Variants in TSPAN10 observed in about 807,000 individuals in gnomAD.
The protein encoded by TSPAN10 is tetraspanin-10.
Under a neutral mutation model 15.0 loss-of-function variants are expected in TSPAN10, and 11 were observed. The ratio of observed to expected loss-of-function variants is 0.73; its 90% CI spans 0.46 to 1.21. The LOEUF (loss-of-function observed/expected upper bound fraction) is 1.21, where lower values mean the gene tolerates loss of function less well. TSPAN10 is among the 50% of genes most tolerant of loss of function. The pLI, the probability that TSPAN10 is intolerant of heterozygous loss-of-function variation, is 0.00. For synonymous variants in TSPAN10, 241 were observed against 226.2 expected (o/e 1.07, Z -0.59); for missense variants, 486 against 470.6 (o/e 1.03, Z -0.30).
intron 1 of TSPAN10, among the ~76,000 whole-genome samples, chr17:81,644,117 G>A (rs2036210516): frequency 6.6e-6 from 1 of 151,724 alleles, no homozygotes; most frequent in Non-Finnish European, 1.5e-5. Context: ...CCAAAGTGCT[G>A]GGATGACAGG....
chr17:81,642,550 G>C (rs911935185), intron 1 of TSPAN10, 102 bp downstream of exon 2: 14 of 1,211,104 alleles, frequency 1.2e-5, no homozygotes, highest in Non-Finnish European at 1.5e-5. Context: ...CCCTGCCCCT[G>C]GTGCCACCCC....
At chr17:81,641,158 CTT>C (rs895380183), upstream of TSPAN10, among the ~76,000 whole-genome samples, 1 of 150,794 alleles carries the variant, frequency 6.6e-6, no homozygotes, top group Non-Finnish European at 1.5e-5. Context: ...GAGCGAGACT[CTT>C]GTCTCAAAAA....
At chr17:81,645,606 C>G (rs2036241689) in exon 2 of TSPAN10, 1 of 1,612,716 alleles carries the variant, frequency 6.2e-7, no homozygotes, top group Non-Finnish European at 8.5e-7. Context: ...GAGCTGCCTC[C>G]TACCAGGACT....
chr17:81,647,951 C>G (rs776551712), exon 3 of TSPAN10: 1 of 1,610,114 alleles, frequency 6.2e-7, no homozygotes, highest in Non-Finnish European at 8.5e-7. Flanking sequence ...CTTCCCGCCT[C>G]CTGCTGCATC....
chr17:81,645,080 C>A, exon 2 of TSPAN10: 1 of 1,593,538 alleles, frequency 6.3e-7, no homozygotes. Flanking sequence ...CAGGCGGAGG[C>A]CTGGGGCTGC....
exon 2 of TSPAN10, chr17:81,645,300 C>G (rs764715820): frequency 3.2e-6 from 5 of 1,540,080 alleles, no homozygotes; most frequent in Non-Finnish European, 4.3e-6. Context: ...TGGGGGGGCC[C>G]CTGCCCGCAG....
intron 1 of TSPAN10, among the ~76,000 whole-genome samples, chr17:81,643,027 A>G (rs2036195649): frequency 6.7e-6 from 1 of 148,348 alleles, no homozygotes; most frequent in Non-Finnish European, 1.5e-5. Context: ...ATATATTTAG[A>G]TAGAGTCTCG....
At chr17:81,640,077 G>C (rs538698466), upstream of TSPAN10, among the ~76,000 whole-genome samples, 1 of 151,984 alleles carries the variant, frequency 6.6e-6, no homozygotes, top group Non-Finnish European at 1.5e-5. Context: ...CGACTTCCCA[G>C]GCTCAGGTGA....
intron 1 of TSPAN10, among the ~76,000 whole-genome samples, chr17:81,643,271 T>C (rs2144377873): frequency 6.7e-6 from 1 of 148,390 alleles, no homozygotes. Context: ...GTGCTGGGAT[T>C]ACAGGCATGA....
At position 81,645,238 on chromosome 17, in the gene TSPAN10, C is replaced by G. The variant is rs755811595; in HGVS notation, c.283C>G (p.Leu95Val). The G allele has an allele frequency of 4.6e-6, 7 of 1,537,560 alleles. No individual in the cohort carries two copies. The African/African-American group carries it at 9.7e-5, about 21-fold the overall frequency. The change falls in exon 2 of 3, where the codon CTG becomes GTG. Residue 95 changes from leucine to valine, a missense_variant. By Grantham distance (32) the Leu-to-Val change is conservative. Coordinates refer to ENST00000611590, the Ensembl canonical transcript of TSPAN10. ...CTTCTCCCTGCTGGGGCTGCTGGCC[C>G]TGGCCATCGGGCTCTGGGGCCTGGC... is the stretch of plus-strand genomic sequence containing the variant.
upstream of TSPAN10, chr17:81,638,176 CAG>C (rs1258173063): frequency 6.6e-6 from 1 of 152,046 alleles, no homozygotes; most frequent in Non-Finnish European, 1.5e-5. Flanking sequence ...TTTATCAAGA[CAG>C]GGGAATTGCA....
upstream of TSPAN10, among the ~76,000 whole-genome samples, chr17:81,639,332 T>C (rs968694322): frequency 6.7e-6 from 1 of 148,702 alleles, no homozygotes; most frequent in Non-Finnish European, 1.5e-5. Context: ...CTCAGCCTCC[T>C]GAGTAGCTGA....
At chr17:81,643,860 C>G (rs1453185236) in intron 1 of TSPAN10, among the ~76,000 whole-genome samples, 1 of 151,838 alleles carries the variant, frequency 6.6e-6, no homozygotes, top group African/African-American at 2.4e-5. Flanking sequence ...GCTCTGTCAC[C>G]CAGGCTGGAG....
At position 81,642,449 on chromosome 17, in the gene TSPAN10, G is replaced by C. The variant is rs761383283; in HGVS notation, c.36+1G>C. On this transcript the variant is annotated splice_donor_variant, in intron 1 of 2. Transcript: ENST00000611590. LOFTEE classifies it high-confidence loss of function. Reference sequence around the variant, plus strand: ...GGAGAGGAGCCCCTTACTGTCCCAGGTGAGCCATGCCAAGTGGCCTTGCCC... The same window carrying C: ...GGAGAGGAGCCCCTTACTGTCCCAGCTGAGCCATGCCAAGTGGCCTTGCCC... 22 of 1,608,208 alleles carry C rather than the reference G, an allele frequency of 1.4e-5. No individual in the cohort carries two copies. In the East Asian group the frequency reaches 4.2e-4, roughly 31 times the overall value.
intron 2 of TSPAN10, chr17:81,647,577 C>G: frequency 1.7e-6 from 1 of 601,480 alleles, no homozygotes; most frequent in African/African-American, 1.8e-5. Context: ...GCTCAGCAGC[C>G]TCTGCGGAGG....
At chr17:81,645,314 C>T (rs1364988464) in exon 2 of TSPAN10, 1 of 1,550,606 alleles carries the variant, frequency 6.4e-7, no homozygotes, top group East Asian at 2.3e-5. Flanking sequence ...CCCGCAGACC[C>T]CATGCTGGGG....
At chr17:81,645,211 C>G (rs1163136521) in exon 2 of TSPAN10, 1 of 1,543,280 alleles carries the variant, frequency 6.5e-7, no homozygotes, top group Non-Finnish European at 8.7e-7. Context: ...CTCCAACTTC[C>G]CCTTCTCCCT....
chr17:81,647,921 C>T (rs79350765), exon 3 of TSPAN10: 52,253 of 1,605,812 alleles, frequency 0.033, 985 homozygotes, highest in Middle Eastern at 0.07. Context: ...TGCAGCTCCC[C>T]CGGGGTGCAG....
upstream of TSPAN10, among the ~76,000 whole-genome samples, chr17:81,639,633 C>G (rs1456327411): frequency 6.6e-6 from 1 of 151,076 alleles, no homozygotes; most frequent in African/African-American, 2.4e-5. Flanking sequence ...CGCGGTGGCT[C>G]ACGCCTGTCA....
Sources: allele counts gnomAD v4.1 joint callset (sites outside exome capture counted in the v4.1 genomes callset), GRCh38; gene constraint gnomAD v4.1.1; transcripts MANE v1.5; gene names NCBI Gene and HGNC (gene_info 2026-07-23, HGNC 2026-07-21).